FLRT2: variants seen among roughly 807,000 people sequenced by gnomAD.
FLRT2 encodes fibronectin leucine rich transmembrane protein 2.
FLRT2 carries 15 observed loss-of-function variants against 40.0 expected under a neutral mutation model. The ratio of observed to expected loss-of-function variants is 0.38; its 90% CI spans 0.25 to 0.58. The LOEUF is 0.58. Among genes scored for constraint, FLRT2 ranks in the 20% least tolerant of loss-of-function variants. The pLI, the probability that FLRT2 is intolerant of heterozygous loss-of-function variation, is 0.71. For missense variants in FLRT2, 726 were observed against 840.0 expected (o/e 0.86, Z 1.68); for synonymous variants, 380 against 336.8 (o/e 1.13, Z -1.41).
chr14:85,574,860 A>G (rs899745837), intron 1 of FLRT2, among the ~76,000 whole-genome samples: 1 of 152,208 alleles, frequency 6.6e-6, no homozygotes, highest in Non-Finnish European at 1.5e-5. Flanking sequence ...CAAATAGAAT[A>G]TTTCTTACTG....
At chr14:85,530,608 C>G (rs539224099) in intron 1 of FLRT2, 74 bp downstream of exon 1, 1 of 130,646 alleles carries the variant, frequency 7.7e-6, no homozygotes, top group South Asian at 2.5e-4. Context: ...ACCACGCTGT[C>G]TCTTCGGGGG....
At chr14:85,591,270 G>A (rs1891872496) in intron 1 of FLRT2, among the ~76,000 whole-genome samples, 1 of 152,188 alleles carries the variant, frequency 6.6e-6, no homozygotes, top group African/African-American at 2.4e-5. Context: ...AAAGCCAGGA[G>A]GTAGTAACAC....
chr14:85,603,640 G>T (rs1343158760), intron 1 of FLRT2, among the ~76,000 whole-genome samples: 1 of 152,046 alleles, frequency 6.6e-6, no homozygotes, highest in Non-Finnish European at 1.5e-5. Flanking sequence ...GAGGCTGGGC[G>T]GGCAGATCAC....
Position 85,632,690 on chromosome 14 carries a change from A to G in FLRT2, c.*9193A>G, listed in dbSNP as rs1893910501. ...CCCATATAAAAATACAGCATATATC[A>G]TTTAAAGGTTCACATTGTGTTATCT... On this transcript the variant is annotated 3_prime_UTR_variant, in exon 2 of 2. Transcript: ENST00000330753. 6.6e-6 allele frequency: 1 copy of G among 152,110 alleles called. No homozygotes were observed. The highest frequency in any genetic ancestry group is 6.5e-5 in the Admixed American group (1 of 15,268). The allele number at this position is 152,110 out of a possible 1,614,324, so 9.4% of individuals were successfully genotyped here.
rs1894475433 is a variant in FLRT2 at position 85,653,190 on chromosome 14, G to C, written c.*29693G>C. 6.6e-6 allele frequency: 1 copy of C among 152,034 alleles called. No individual in the cohort carries two copies. Among genetic ancestry groups the C allele is most frequent in the Non-Finnish European group, 1.5e-5 (1 of 68,024 alleles). The allele number at this position is 152,034 out of a possible 1,614,324, so 9.4% of individuals were successfully genotyped here. ...TGCTTGAGGACTTGTACATAGATAG[G>C]CTCAAGATATTTTGAGTCACATATG... On this transcript the variant is annotated 3_prime_UTR_variant, in exon 2 of 2. Coordinates refer to ENST00000330753, the MANE Select transcript of FLRT2 (RefSeq NM_013231.6).
intron 1 of FLRT2, among the ~76,000 whole-genome samples, chr14:85,575,404 C>T (rs904161509): frequency 3.3e-5 from 5 of 151,832 alleles, no homozygotes; most frequent in East Asian, 1.9e-4. Context: ...ATATTGTTGT[C>T]GAAGGAATTA....
At chr14:85,589,710 C>T (rs1406121402) in intron 1 of FLRT2, among the ~76,000 whole-genome samples, 2 of 152,064 alleles carry the variant, frequency 1.3e-5, no homozygotes, top group African/African-American at 2.4e-5. Context: ...AGATTTTCCC[C>T]TAGGTTTTCT....
At position 85,631,112 on chromosome 14, in the gene FLRT2, T is replaced by TATATATATA. The variant is rs1893858889; in HGVS notation, c.*7615_*7616insATATATATA. The stretch of plus-strand genomic sequence containing the variant: ...TATAATTACATATATAATCTAGATT[T>TATATATATA]TATATATATATATATATGAAATGAG... On this transcript the variant is annotated 3_prime_UTR_variant, in exon 2 of 2. Transcript: ENST00000330753. 5.4e-5 allele frequency: 5 copies of TATATATATA among 91,882 alleles called. No homozygotes were observed. The highest frequency in any genetic ancestry group is 1.2e-4 in the African/African-American group (2 of 16,796). 5.7% of individuals were successfully genotyped at this position (91,882 alleles called of 1,614,324 possible).
At chr14:85,582,643 C>T (rs546981384) in intron 1 of FLRT2, among the ~76,000 whole-genome samples, 8 of 152,146 alleles carry the variant, frequency 5.3e-5, no homozygotes, top group Non-Finnish European at 1.0e-4. Context: ...GTGCCTGGTA[C>T]GTAGTTAGGC....
intron 1 of FLRT2, among the ~76,000 whole-genome samples, chr14:85,574,698 A>C (rs992785552): frequency 1.3e-5 from 2 of 152,136 alleles, no homozygotes; most frequent in African/African-American, 4.8e-5. Context: ...GCTCCTATTA[A>C]GCCATCATTG....
chr14:85,627,700 T>C lies in FLRT2; in HGVS notation c.*4203T>C, dbSNP rs1595104738. 6.0e-6 allele frequency: 1 copy of C among 167,070 alleles called. No individual in the cohort carries two copies. The highest frequency in any genetic ancestry group is 6.5e-5 in the Admixed American group (1 of 15,280). 10.3% of individuals were successfully genotyped at this position (167,070 alleles called of 1,614,324 possible). A position where few individuals can be genotyped will look rare whatever the true frequency, so the allele number is the denominator to read the frequency against. On this transcript the variant is annotated 3_prime_UTR_variant, in exon 2 of 2. Coordinates refer to ENST00000330753, the MANE Select transcript of FLRT2 (RefSeq NM_013231.6). ...GTGTGTGTCGCTCATAGGACTAGTG[T>C]ATATTCACTGAAAGTTAACCTGATG...
At chr14:85,615,127 T>C (rs1312013703) in intron 1 of FLRT2, among the ~76,000 whole-genome samples, 2 of 152,174 alleles carry the variant, frequency 1.3e-5, no homozygotes, top group Non-Finnish European at 2.9e-5. Context: ...CAGGCAGTAG[T>C]TGACGTGGAA....
At chr14:85,610,854 G>T (rs1160465277) in intron 1 of FLRT2, among the ~76,000 whole-genome samples, 1 of 152,110 alleles carries the variant, frequency 6.6e-6, no homozygotes, top group African/African-American at 2.4e-5. Context: ...TCATGACGTT[G>T]CTTACAATTT....
intron 1 of FLRT2, among the ~76,000 whole-genome samples, chr14:85,618,649 G>A (rs1893245252): frequency 6.6e-6 from 1 of 152,184 alleles, no homozygotes; most frequent in African/African-American, 2.4e-5. Flanking sequence ...GGGGACAAAA[G>A]TGATTAGTAT....
intron 1 of FLRT2, among the ~76,000 whole-genome samples, chr14:85,547,931 C>T (rs576767947): frequency 1.3e-5 from 2 of 152,176 alleles, no homozygotes; most frequent in East Asian, 1.9e-4. Context: ...AAAATAGTTG[C>T]ATTCTTTTGA....
chr14:85,531,035 G>A (rs1888238291), intron 1 of FLRT2: 1 of 152,242 alleles, frequency 6.6e-6, no homozygotes. Context: ...AAACAGATGC[G>A]GTGGATACTA....
chr14:85,609,644 C>T (rs1892773911), intron 1 of FLRT2, among the ~76,000 whole-genome samples: 1 of 152,150 alleles, frequency 6.6e-6, no homozygotes. Context: ...AACATATGAG[C>T]ATATTTCAGG....
intron 1 of FLRT2, among the ~76,000 whole-genome samples, chr14:85,538,673 G>C (rs1262271142): frequency 6.6e-6 from 1 of 152,114 alleles, no homozygotes; most frequent in South Asian, 2.1e-4. Flanking sequence ...AGGTCCCAAA[G>C]TTTATAGATG....
chr14:85,610,850 C>T (rs139608982), intron 1 of FLRT2, among the ~76,000 whole-genome samples: 8 of 152,246 alleles, frequency 5.3e-5, no homozygotes, highest in African/African-American at 7.2e-5. Flanking sequence ...TCCTTCATGA[C>T]GTTGCTTACA....
Sources: allele counts gnomAD v4.1 joint callset (sites outside exome capture counted in the v4.1 genomes callset), GRCh38; gene constraint gnomAD v4.1.1; transcripts MANE v1.5; gene names NCBI Gene and HGNC (gene_info 2026-07-23, HGNC 2026-07-21).